Variants in SSBP3 observed in about 807,000 individuals in gnomAD.
SSBP3 encodes the protein single-stranded DNA-binding protein 3.
SSBP3 carries 5 observed loss-of-function variants against 69.6 expected under a neutral mutation model. The ratio of observed to expected loss-of-function variants is 0.07; its 90% CI spans 0.04 to 0.15. The LOEUF (loss-of-function observed/expected upper bound fraction) is 0.15. Ranked by LOEUF, SSBP3 falls within the 10% of genes least tolerant of loss-of-function variation. The pLI is 1.00. For missense variants in SSBP3, 312 were observed against 534.0 expected (o/e 0.58, Z 4.10); for synonymous variants, 196 against 193.4 (o/e 1.01, Z -0.11).
rs148709726 is a variant in SSBP3, at chr1:54,340,002, TG to T, written c.277-58476del. Among the ~76,000 whole-genome samples the T allele has an allele frequency of 1.8e-3, 279 of 151,678 alleles. 1 individual carries two copies. The highest frequency in any genetic ancestry group is 6.4e-3 in the African/African-American group (264 of 41,320). ...CATATACTAATGCTGGAAGGGAGGG[TG>T]GGGTAGGAGCAGGACCCCATGCTTC... On this transcript the variant is annotated intron_variant, in intron 4 of 17. Coordinates refer to ENST00000610401, the Ensembl canonical transcript of SSBP3.
At chr1:54,338,622 T>G (rs939292544) in intron 4 of SSBP3, among the ~76,000 whole-genome samples, 1 of 152,182 alleles carries the variant, frequency 6.6e-6, no homozygotes, top group African/African-American at 2.4e-5. Flanking sequence ...TGAGCTCAAG[T>G]TTCCATACAT....
chr1:54,383,259 T>C (rs1473717112), intron 4 of SSBP3, among the ~76,000 whole-genome samples: 1 of 151,674 alleles, frequency 6.6e-6, no homozygotes, highest in African/African-American at 2.4e-5. Flanking sequence ...GAGCCTGTAG[T>C]CCCAGCTACT....
intron 4 of SSBP3, among the ~76,000 whole-genome samples, chr1:54,318,409 G>A (rs1425525135): frequency 6.6e-6 from 1 of 152,160 alleles, no homozygotes; most frequent in South Asian, 2.1e-4. Context: ...AAGGGAAGGT[G>A]TCAGATTGAT....
intron 4 of SSBP3, among the ~76,000 whole-genome samples, chr1:54,305,135 G>A (rs1323382218): frequency 6.6e-6 from 1 of 152,154 alleles, no homozygotes; most frequent in Non-Finnish European, 1.5e-5. Context: ...CTTCAGCTTT[G>A]CCATCGCTAG....
intron 5 of SSBP3, among the ~76,000 whole-genome samples, chr1:54,263,144 A>G (rs1645043905): frequency 6.6e-6 from 1 of 152,176 alleles, no homozygotes; most frequent in African/African-American, 2.4e-5. Context: ...AAAACTCCGA[A>G]GTGTGGACAC....
chr1:54,364,336 C>G (rs1646995843), intron 4 of SSBP3, among the ~76,000 whole-genome samples: 1 of 152,172 alleles, frequency 6.6e-6, no homozygotes. Context: ...ATCACAAAGG[C>G]TGCCGTAATA....
At chr1:54,289,074 AC>A (rs1156771584) in intron 4 of SSBP3, among the ~76,000 whole-genome samples, 2 of 119,724 alleles carry the variant, frequency 1.7e-5, no homozygotes, top group Non-Finnish European at 3.7e-5. Flanking sequence ...TGTCCCACTC[AC>A]CCCTGTAGTT....
exon 1 of SSBP3, chr1:54,406,036 T>TCAC: frequency 7.5e-7 from 1 of 1,329,340 alleles, no homozygotes; most frequent in Non-Finnish European, 1.0e-6. Flanking sequence ...GCGCCGAGCC[T>TCAC]CGCCGCCGCC....
upstream of SSBP3, among the ~76,000 whole-genome samples, chr1:54,407,160 AG>A (rs1449007978): frequency 6.9e-6 from 1 of 144,628 alleles, no homozygotes; most frequent in Non-Finnish European, 1.5e-5. Context: ...GCCGGGGGGG[AG>A]GGGGGCTGGG....
At chr1:54,296,374 C>G (rs1343041438) in intron 4 of SSBP3, among the ~76,000 whole-genome samples, 1 of 152,252 alleles carries the variant, frequency 6.6e-6, no homozygotes, top group Non-Finnish European at 1.5e-5. Flanking sequence ...TGCTGCAAAT[C>G]TGGCCTAAGG....
At chr1:54,323,312 G>A (rs186280833) in intron 4 of SSBP3, among the ~76,000 whole-genome samples, 353 of 152,332 alleles carry the variant, frequency 2.3e-3, no homozygotes, top group Non-Finnish European at 3.6e-3. Context: ...CATAAGTGGG[G>A]AGAAAAGTAA....
rs191769084 is a variant in SSBP3 at position 54,349,008 on chromosome 1, C to T, written c.276+52853G>A. Among the ~76,000 whole-genome samples, 35 of 152,288 alleles carry T rather than the reference C, an allele frequency of 2.3e-4. No individual in the cohort carries two copies. The East Asian group carries it at 6.0e-3, about 26-fold the overall frequency. ...AGCAAGCTGCTGCTCTTCACCCATT[C>T]GACAAGAAACAGGTAAGCACCTACC... On this transcript the variant is annotated intron_variant, in intron 4 of 17. Coordinates refer to ENST00000610401, the Ensembl canonical transcript of SSBP3.
intron 14 of SSBP3, among the ~76,000 whole-genome samples, chr1:54,232,916 G>A (rs1470463801): frequency 2.0e-5 from 3 of 152,146 alleles, no homozygotes; most frequent in South Asian, 4.1e-4. Flanking sequence ...GCAGTGGCGT[G>A]ATCTCGGCTC....
intron 5 of SSBP3, among the ~76,000 whole-genome samples, chr1:54,275,931 G>A (rs1370359190): frequency 6.6e-6 from 1 of 152,150 alleles, no homozygotes. Context: ...GGTCATGCAA[G>A]TTTCTCTCCC....
chr1:54,300,495 A>G (rs1014095750), intron 4 of SSBP3, among the ~76,000 whole-genome samples: 2 of 152,226 alleles, frequency 1.3e-5, no homozygotes, highest in African/African-American at 4.8e-5. Context: ...TGTTGCACAC[A>G]TTAATGACAC....
intron 12 of SSBP3, 101 bp from the exon 13 acceptor site, chr1:54,241,060 A>T (rs2297027): frequency 7.6e-7 from 1 of 1,317,330 alleles, no homozygotes; most frequent in Non-Finnish European, 1.1e-6. Context: ...TGCTCGCCCC[A>T]GGCCCAGCCG....
In SSBP3 at chr1:54,324,486, G is replaced by C. The variant is rs1569811106; in HGVS notation, c.277-42959C>G. On this transcript the variant is annotated intron_variant, in intron 4 of 17. Coordinates refer to ENST00000610401, the Ensembl canonical transcript of SSBP3. ...ATAGGCCAGAGCAGGATAAAGTACA[G>C]CAGCCCCTTAAGACTGACATCCATC... is the stretch of plus-strand genomic sequence containing the variant. Among the ~76,000 whole-genome samples, 4 of 150,996 alleles carry C rather than the reference G, an allele frequency of 2.6e-5. No individual in the cohort carries two copies. The South Asian group carries it at 8.4e-4, about 32-fold the overall frequency.
At chr1:54,389,537 G>C (rs916588934) in intron 4 of SSBP3, among the ~76,000 whole-genome samples, 1 of 151,846 alleles carries the variant, frequency 6.6e-6, no homozygotes, top group Non-Finnish European at 1.5e-5. Flanking sequence ...GGCTGGGCAG[G>C]GGGTCATCAA....
At chr1:54,318,275 T>C (rs976826698) in intron 4 of SSBP3, among the ~76,000 whole-genome samples, 1 of 152,170 alleles carries the variant, frequency 6.6e-6, no homozygotes, top group Non-Finnish European at 1.5e-5. Flanking sequence ...GCAGGCTTTA[T>C]ATATGCAATG....
Sources: allele counts gnomAD v4.1 joint callset (sites outside exome capture counted in the v4.1 genomes callset), GRCh38; gene constraint gnomAD v4.1.1; transcripts MANE v1.5; gene names NCBI Gene and HGNC (gene_info 2026-07-23, HGNC 2026-07-21).